EDA: variants seen among roughly 807,000 people sequenced by gnomAD.
The protein encoded by EDA is ectodysplasin-A.
A neutral mutation model predicts 23.6 loss-of-function variants in EDA; 2 were observed. The ratio of observed to expected loss-of-function variants is 0.08; its 90% confidence interval spans 0.03 to 0.27. The LOEUF is 0.27. EDA is among the 10% of genes least tolerant of loss of function. The pLI is 1.00. For synonymous variants in EDA, 131 were observed against 132.0 expected, an observed-to-expected ratio of 0.99 and a Z score of 0.05; for missense variants, 229 against 324.2, an observed-to-expected ratio of 0.71 and a Z score of 2.26.
At chrX:69,734,447 T>C (rs776057672) in intron 1 of EDA, among the ~76,000 whole-genome samples, 4 of 111,822 alleles carry the variant, frequency 3.6e-5, no homozygotes, top group East Asian at 5.6e-4. Flanking sequence ...TTTCCGTTTT[T>C]ATTTATTTCT....
intron 1 of EDA, among the ~76,000 whole-genome samples, chrX:69,814,946 C>T (rs1268026133): frequency 1.8e-5 from 2 of 111,586 alleles, no homozygotes; most frequent in East Asian, 2.8e-4. Flanking sequence ...TACACAGAGA[C>T]CCAGGAGTTT....
intron 2 of EDA, among the ~76,000 whole-genome samples, chrX:69,989,826 AG>A (rs2019557033): frequency 9.5e-6 from 1 of 105,337 alleles, no homozygotes; most frequent in Admixed American, 1.0e-4. Flanking sequence ...TCTGAACAAC[AG>A]GAAAAAAAAA....
intron 1 of EDA, among the ~76,000 whole-genome samples, chrX:69,665,171 C>T (rs951045686): frequency 8.9e-6 from 1 of 111,858 alleles, no homozygotes; most frequent in Non-Finnish European, 1.9e-5. Flanking sequence ...TGTTTTTCTG[C>T]TATTGAGTTG....
chrX:69,684,204 C>T (rs1934470754), intron 1 of EDA, among the ~76,000 whole-genome samples: 1 of 111,794 alleles, frequency 8.9e-6, no homozygotes, highest in African/African-American at 3.2e-5. Flanking sequence ...TCCTCGCCAA[C>T]AGCTGTGGAG....
chrX:69,939,625 G>A (rs1311934786), intron 1 of EDA, among the ~76,000 whole-genome samples: 1 of 111,342 alleles, frequency 9.0e-6, no homozygotes, highest in Admixed American at 9.5e-5. Flanking sequence ...GTACTGTCTT[G>A]AATAACAGTG....
intron 1 of EDA, among the ~76,000 whole-genome samples, chrX:69,625,846 T>C (rs1221584691): frequency 3.6e-5 from 4 of 109,831 alleles, no homozygotes; most frequent in South Asian, 7.7e-4. Context: ...TTTTTTTTTT[T>C]CAAAAGAAAA....
Position 69,980,169 on chromosome X carries a change from CTCTCTGAAAAATGGTATGGTCTAAT to C in EDA, c.502+23038_502+23062del, listed in dbSNP as rs1299249565. Among the ~76,000 whole-genome samples the C allele has an allele frequency of 1.8e-5, 2 of 111,488 alleles. 1 individual carries two copies. The highest frequency in any genetic ancestry group is 6.5e-5 in the African/African-American group (2 of 30,670). On this transcript the variant is annotated intron_variant, in intron 2 of 7. Transcript: ENST00000374552. ...CCATCTTAGTTTCTCTCATATTTGA[CTCTCTGAAAAATGGTATGGTCTAAT>C]CTGGGTGACAAGGAGTCAATATTTC... is the stretch of plus-strand genomic sequence containing the variant.
intron 1 of EDA, among the ~76,000 whole-genome samples, chrX:69,826,101 G>A (rs1313254431): frequency 1.8e-5 from 2 of 110,504 alleles, no homozygotes; most frequent in Non-Finnish European, 3.8e-5. Context: ...CATTTGCTGA[G>A]GAGAGCTTTA....
chrX:69,817,512 T>C (rs1421561034), intron 1 of EDA, among the ~76,000 whole-genome samples: 1 of 110,907 alleles, frequency 9.0e-6, no homozygotes, highest in Non-Finnish European at 1.9e-5. Flanking sequence ...TCAAAATAAA[T>C]GGATGGAAGA....
chrX:69,812,851 G>A (rs2015992489), intron 1 of EDA, among the ~76,000 whole-genome samples: 1 of 111,411 alleles, frequency 9.0e-6, no homozygotes, highest in Non-Finnish European at 1.9e-5. Context: ...AGAGCTTTTG[G>A]TACTCTTGAA....
chrX:69,684,085 C>T (rs1314027135), intron 1 of EDA, among the ~76,000 whole-genome samples: 1 of 112,108 alleles, frequency 8.9e-6, no homozygotes, highest in Non-Finnish European at 1.9e-5. Flanking sequence ...AAGTGTGTGT[C>T]ACAAGATCCA....
intron 1 of EDA, among the ~76,000 whole-genome samples, chrX:69,881,656 T>C (rs772670231): frequency 8.9e-6 from 1 of 111,904 alleles, no homozygotes; most frequent in South Asian, 3.7e-4. Context: ...GCTGCATTAG[T>C]CCATTTTGCG....
At chrX:69,839,758 A>T (rs2016856788) in intron 1 of EDA, among the ~76,000 whole-genome samples, 1 of 112,122 alleles carries the variant, frequency 8.9e-6, no homozygotes, top group African/African-American at 3.2e-5. Context: ...AGATGTGATC[A>T]GCCAGATGGT....
At chrX:69,950,031 C>T (rs2018890810) in intron 1 of EDA, among the ~76,000 whole-genome samples, 1 of 92,026 alleles carries the variant, frequency 1.1e-5, no homozygotes, top group African/African-American at 4.0e-5. Flanking sequence ...TAGGCATGGG[C>T]AAGGACTTCA....
intron 1 of EDA, among the ~76,000 whole-genome samples, chrX:69,665,801 T>G (rs2147260910): frequency 8.9e-6 from 1 of 111,934 alleles, no homozygotes; most frequent in Admixed American, 9.6e-5. Flanking sequence ...ATTCAAGGTC[T>G]TTTATGTTTC....
chrX:69,796,279 G>T (rs1602417905), intron 1 of EDA, among the ~76,000 whole-genome samples: 1 of 93,420 alleles, frequency 1.1e-5, no homozygotes, highest in African/African-American at 4.0e-5. Flanking sequence ...CCCAAGAATT[G>T]GCCTACTAAC....
chrX:69,923,864 C>G (rs1393488096), intron 1 of EDA, among the ~76,000 whole-genome samples: 1 of 111,918 alleles, frequency 8.9e-6, no homozygotes, highest in African/African-American at 3.2e-5. Context: ...AATTGCCATT[C>G]TGACTGGCAT....
chrX:69,760,796 G>A (rs1203418698), intron 1 of EDA, among the ~76,000 whole-genome samples: 2 of 111,699 alleles, frequency 1.8e-5, no homozygotes, highest in African/African-American at 3.3e-5. Flanking sequence ...GATCAAGGAA[G>A]GAAATGTTAG....
At chrX:69,979,877 A>C (rs1424766983) in intron 2 of EDA, among the ~76,000 whole-genome samples, 2 of 111,229 alleles carry the variant, frequency 1.8e-5, no homozygotes, top group Non-Finnish European at 3.8e-5. Flanking sequence ...CAGAGTTTTT[A>C]ATTTTGATAA....
Sources: allele counts gnomAD v4.1 joint callset (sites outside exome capture counted in the v4.1 genomes callset), GRCh38; gene constraint gnomAD v4.1.1; transcripts MANE v1.5; gene names NCBI Gene and HGNC (gene_info 2026-07-23, HGNC 2026-07-21).